Variants in CLIC5 observed in about 807,000 individuals in gnomAD.
CLIC5 encodes CLIC family member 5, also known as chloride intracellular channel protein 5.
In CLIC5, 20 loss-of-function variants were observed where a neutral mutation model predicts 24.7. The ratio of observed to expected loss-of-function variants is 0.81; its 90% CI spans 0.57 to 1.18. CLIC5 has a LOEUF of 1.18. Ranked by LOEUF, CLIC5 falls within the 50% of genes most tolerant of loss-of-function variation. The probability of loss-of-function intolerance (pLI) is 0.00; values close to 1 mark genes in which losing one functional copy is unlikely to be tolerated. For synonymous variants in CLIC5, 159 were observed against 135.6 expected, an observed-to-expected ratio of 1.17 and a Z score of -1.20; for missense variants, 341 against 326.1, an observed-to-expected ratio of 1.05 and a Z score of -0.35.
chr6:45,914,112 T>G, intron 5 of CLIC5, 116 bp downstream of exon 5: 1 of 802,664 alleles, frequency 1.2e-6, no homozygotes, highest in Non-Finnish European at 1.7e-6. Context: ...ATTACCTGAC[T>G]TCAGGGTCCA....
chr6:45,930,702 C>T (rs916936154), intron 4 of CLIC5, among the ~76,000 whole-genome samples: 2 of 152,180 alleles, frequency 1.3e-5, no homozygotes, highest in East Asian at 3.8e-4. Flanking sequence ...GCGGGGGGAG[C>T]ACTGTGAAAT....
intron 1 of CLIC5, among the ~76,000 whole-genome samples, chr6:46,027,807 G>A (rs1171751137): frequency 6.6e-6 from 1 of 152,106 alleles, no homozygotes; most frequent in Non-Finnish European, 1.5e-5. Flanking sequence ...ACTACAGAAG[G>A]CCAGGACTTG....
At chr6:45,967,744 GAAA>G (rs1282449311) in intron 1 of CLIC5, among the ~76,000 whole-genome samples, 1 of 152,084 alleles carries the variant, frequency 6.6e-6, no homozygotes. Context: ...GATCATAGTG[GAAA>G]GCAAAATGGG....
At chr6:45,957,207 A>C (rs1487173369) in intron 1 of CLIC5, among the ~76,000 whole-genome samples, 1 of 152,170 alleles carries the variant, frequency 6.6e-6, no homozygotes, top group Non-Finnish European at 1.5e-5. Flanking sequence ...GAACTAGCAA[A>C]ATAGTGGACT....
intron 4 of CLIC5, among the ~76,000 whole-genome samples, chr6:45,923,135 C>G (rs1244358804): frequency 6.6e-6 from 1 of 152,176 alleles, no homozygotes; most frequent in Non-Finnish European, 1.5e-5. Flanking sequence ...GGCATAAATG[C>G]TGACGGAAGC....
At chr6:45,893,777 A>G (rs936031478), downstream of CLIC5, among the ~76,000 whole-genome samples, 4 of 152,128 alleles carry the variant, frequency 2.6e-5, no homozygotes, top group Non-Finnish European at 5.9e-5. Context: ...CCTTTCCATA[A>G]TATGTTCCTA....
chr6:46,090,759 C>T, the CLIC5 span, among the ~76,000 whole-genome samples: 14 of 152,278 alleles, frequency 9.2e-5, no homozygotes, highest in African/African-American at 3.4e-4. Flanking sequence ...TTCAAATATA[C>T]AATGCATTAA....
intron 1 of CLIC5, among the ~76,000 whole-genome samples, chr6:46,074,166 T>C (rs1287003075): frequency 6.6e-6 from 1 of 152,210 alleles, no homozygotes; most frequent in Non-Finnish European, 1.5e-5. Flanking sequence ...ACAAATTATA[T>C]ATGTATATAC....
At chr6:46,095,266 T>TATTA in the CLIC5 span, among the ~76,000 whole-genome samples, 1 of 152,196 alleles carries the variant, frequency 6.6e-6, no homozygotes, top group Non-Finnish European at 1.5e-5. Context: ...TTGCCTTGGA[T>TATTA]ATTAGCACTT....
chr6:46,103,906 C>A, the CLIC5 span, among the ~76,000 whole-genome samples: 1 of 152,168 alleles, frequency 6.6e-6, no homozygotes, highest in South Asian at 2.1e-4. Flanking sequence ...TCTTACCCAT[C>A]AGGCTCCCAG....
intron 4 of CLIC5, among the ~76,000 whole-genome samples, chr6:45,919,651 G>A (rs777361386): frequency 1.3e-5 from 2 of 152,098 alleles, no homozygotes; most frequent in African/African-American, 2.4e-5. Context: ...TCTGTGAGTC[G>A]AGGCCTCCAG....
At chr6:45,961,378 A>G (rs1764836470) in intron 1 of CLIC5, among the ~76,000 whole-genome samples, 1 of 152,214 alleles carries the variant, frequency 6.6e-6, no homozygotes, top group South Asian at 2.1e-4. Flanking sequence ...TAGACCCAGA[A>G]AGGTTAAATG....
At chr6:46,044,864 C>A (rs1196663368) in intron 1 of CLIC5, among the ~76,000 whole-genome samples, 1 of 152,164 alleles carries the variant, frequency 6.6e-6, no homozygotes, top group Admixed American at 6.5e-5. Context: ...GTATCTTGAT[C>A]CATCACCTGA....
At chr6:46,070,318 A>T (rs1762557577) in intron 1 of CLIC5, among the ~76,000 whole-genome samples, 1 of 152,174 alleles carries the variant, frequency 6.6e-6, no homozygotes, top group Non-Finnish European at 1.5e-5. Context: ...TTATATCTAG[A>T]AAACCCCATA....
chr6:45,973,915 C>CA (rs1765288159), intron 1 of CLIC5, among the ~76,000 whole-genome samples: 1 of 134,904 alleles, frequency 7.4e-6, no homozygotes, highest in Admixed American at 7.6e-5. Flanking sequence ...GGCAACAGAG[C>CA]AAGACTCCAT....
intron 5 of CLIC5, chr6:45,912,503 GA>G (rs1484341304): frequency 3.2e-5 from 43 of 1,347,028 alleles, no homozygotes; most frequent in Non-Finnish European, 3.9e-5. Context: ...AAGAGAAAAG[GA>G]AAGAAGGAGG....
chr6:46,032,760 G>A (rs950631448), intron 1 of CLIC5, among the ~76,000 whole-genome samples: 1 of 152,112 alleles, frequency 6.6e-6, no homozygotes, highest in South Asian at 2.1e-4. Flanking sequence ...AAGCCGAGAG[G>A]AACTTAGTGA....
chr6:46,089,620 T>A, the CLIC5 span, among the ~76,000 whole-genome samples: 3 of 152,132 alleles, frequency 2.0e-5, no homozygotes, highest in Admixed American at 2.0e-4. Context: ...GTAGAAAGAT[T>A]AAATGACATA....
intron 1 of CLIC5, among the ~76,000 whole-genome samples, chr6:46,009,801 C>A (rs918792074): frequency 1.3e-5 from 2 of 152,144 alleles, no homozygotes; most frequent in Non-Finnish European, 2.9e-5. Flanking sequence ...TACCAGGAGC[C>A]TTGGGGAAGC....
Sources: allele counts gnomAD v4.1 joint callset (sites outside exome capture counted in the v4.1 genomes callset), GRCh38; gene constraint gnomAD v4.1.1; transcripts MANE v1.5; gene names NCBI Gene and HGNC (gene_info 2026-07-23, HGNC 2026-07-21).